Variants in COG4 observed in about 807,000 individuals in gnomAD.
The protein encoded by COG4 is conserved oligomeric Golgi complex subunit 4.
Under a neutral mutation model 95.1 loss-of-function variants are expected in COG4, and 65 were observed. That is an observed-to-expected ratio of 0.68 (90% CI 0.56 to 0.84). COG4 has a LOEUF of 0.84. Ranked by LOEUF, COG4 falls within the 40% of genes least tolerant of loss-of-function variation. COG4 has a pLI of 0.00. For synonymous variants in COG4, 421 were observed against 374.8 expected (o/e 1.12, Z -1.42); for missense variants, 1,045 against 989.1 (o/e 1.06, Z -0.76).
intron 1 of COG4, among the ~76,000 whole-genome samples, chr16:70,520,068 C>T (rs1567400100): frequency 6.6e-6 from 1 of 151,916 alleles, no homozygotes; most frequent in African/African-American, 2.4e-5. Flanking sequence ...TTGGGAGGCC[C>T]AGGTGGGTGG....
At chr16:70,481,954 G>A (rs998547186) in intron 16 of COG4, 89 bp from the exon 17 acceptor site, 22 of 1,377,830 alleles carry the variant, frequency 1.6e-5, no homozygotes, top group Non-Finnish European at 2.0e-5. Flanking sequence ...AGTAGCGTGA[G>A]GCCACGGGGG....
At chr16:70,518,331 C>T (rs1358949290) in intron 2 of COG4, among the ~76,000 whole-genome samples, 2 of 152,096 alleles carry the variant, frequency 1.3e-5, no homozygotes, top group Non-Finnish European at 2.9e-5. Context: ...TAACCAGTAC[C>T]ATGTGAGAGG....
intron 6 of COG4, 63 bp downstream of exon 6, chr16:70,509,853 A>C: frequency 8.2e-7 from 1 of 1,220,964 alleles, no homozygotes; most frequent in Non-Finnish European, 1.2e-6. Context: ...GGTGAGAAGA[A>C]AGGCTAGGAT....
chr16:70,521,611 T>A (rs769032753), intron 1 of COG4, among the ~76,000 whole-genome samples: 1 of 152,100 alleles, frequency 6.6e-6, no homozygotes, highest in Non-Finnish European at 1.5e-5. Flanking sequence ...CTTATATCAT[T>A]TTGTCTGTAA....
intron 13 of COG4, among the ~76,000 whole-genome samples, chr16:70,486,227 C>G (rs1292147366): frequency 1.3e-5 from 2 of 152,132 alleles, no homozygotes; most frequent in East Asian, 3.9e-4. Flanking sequence ...CACACTACAG[C>G]GTAGGTGTAG....
At chr16:70,502,542 A>C (rs1008579549) in intron 8 of COG4, among the ~76,000 whole-genome samples, 2 of 151,832 alleles carry the variant, frequency 1.3e-5, no homozygotes, top group Admixed American at 1.3e-4. Flanking sequence ...CGGAGGTTGC[A>C]GTGAGCTGAG....
chr16:70,480,972 C>T lies in COG4; in HGVS notation c.*38G>A. The T allele has an allele frequency of 6.2e-7, 1 of 1,609,890 alleles. No individual in the cohort carries two copies. Among genetic ancestry groups the T allele is most frequent in the Non-Finnish European group, 8.5e-7 (1 of 1,179,902 alleles). ...GGCTGGGGCCCCTTAGGGAACAGGC[C>T]TGCAAGTGTGATGAGCCAGGTGTGC... On this transcript the variant is annotated 3_prime_UTR_variant, in exon 19 of 19. Transcript: ENST00000323786.
chr16:70,484,273 T>C (rs901623349), intron 13 of COG4, among the ~76,000 whole-genome samples: 5 of 152,204 alleles, frequency 3.3e-5, no homozygotes, highest in African/African-American at 1.2e-4. Flanking sequence ...TGAGTGACCT[T>C]GGGCAAATGA....
chr16:70,489,526 AT>A (rs1334548942), intron 13 of COG4, among the ~76,000 whole-genome samples: 1 of 140,364 alleles, frequency 7.1e-6, no homozygotes, highest in African/African-American at 3.1e-5. Flanking sequence ...CTTGATCCTG[AT>A]TTAAAAAAAA....
intron 9 of COG4, 69 bp from the exon 10 acceptor site, chr16:70,498,124 T>A: frequency 1.1e-6 from 1 of 923,828 alleles, no homozygotes; most frequent in Non-Finnish European, 1.8e-6. Flanking sequence ...TTTTTTCATT[T>A]TTTCAGGTTC....
chr16:70,509,895 A>T, intron 6 of COG4, 21 bp downstream of exon 6: 1 of 1,583,918 alleles, frequency 6.3e-7, no homozygotes, highest in East Asian at 2.2e-5. Flanking sequence ...CAGTCTCTCT[A>T]GAGCGGAGAA....
At chr16:70,500,361 T>G (rs2049422356) in intron 9 of COG4, among the ~76,000 whole-genome samples, 1 of 140,636 alleles carries the variant, frequency 7.1e-6, no homozygotes, top group East Asian at 2.1e-4. Context: ...GTACATTATA[T>G]ACTCTTTTTT....
At chr16:70,522,602 A>G (rs2049972914) in intron 1 of COG4, among the ~76,000 whole-genome samples, 1 of 152,224 alleles carries the variant, frequency 6.6e-6, no homozygotes, top group Admixed American at 6.5e-5. Flanking sequence ...TTTGTGCTCA[A>G]CTTTGCTAGA....
intron 8 of COG4, among the ~76,000 whole-genome samples, chr16:70,506,609 A>AC (rs2049575825): frequency 1.6e-5 from 1 of 61,232 alleles, no homozygotes; most frequent in Non-Finnish European, 3.2e-5. Context: ...AAAAAAAAAA[A>AC]AAAAAAAACA....
At chr16:70,516,543 G>A (rs1364388180) in intron 3 of COG4, among the ~76,000 whole-genome samples, 10 of 152,024 alleles carry the variant, frequency 6.6e-5, no homozygotes, top group Admixed American at 2.0e-4. Context: ...TGATCTGTCC[G>A]CCTTGGCCTC....
chr16:70,503,595 C>CTTTTTTTTTTT (rs67706790), intron 8 of COG4, among the ~76,000 whole-genome samples: 12 of 125,702 alleles, frequency 9.5e-5, no homozygotes, highest in African/African-American at 5.5e-4. Context: ...CCTACTTACT[C>CTTTTTTTTTTT]TTTTTTTTTT....
intron 11 of COG4, among the ~76,000 whole-genome samples, chr16:70,496,746 G>A (rs769269846): frequency 6.6e-6 from 1 of 152,198 alleles, no homozygotes; most frequent in South Asian, 2.1e-4. Flanking sequence ...TAGGAGTTGA[G>A]AACAGGTTTT....
rs67706790 is a variant in COG4, at chr16:70,503,595, C to CT, written c.1062-2505dup. Among the ~76,000 whole-genome samples the CT allele has an allele frequency of 5.6e-4, 70 of 125,700 alleles. 1 individual carries two copies. The highest frequency in any genetic ancestry group is 1.3e-3 in the South Asian group (6 of 4,540). 82.5% of individuals were successfully genotyped at this position (125,700 alleles called of 152,430 possible). A position where few individuals can be genotyped will look rare whatever the true frequency, so the allele number is the denominator to read the frequency against. On this transcript the variant is annotated intron_variant, in intron 8 of 18. Transcript: ENST00000323786. ...CCTCACATCTTAACTCCTACTTACT[C>CT]TTTTTTTTTTTTTTTTTGAGACGGA...
At chr16:70,489,626 C>T (rs967756291) in intron 13 of COG4, among the ~76,000 whole-genome samples, 1 of 151,700 alleles carries the variant, frequency 6.6e-6, no homozygotes, top group East Asian at 1.9e-4. Flanking sequence ...ATCCTCCTGC[C>T]TTGGCCTCCC....
Sources: gnomAD v4.1 joint callset for allele counts (sites outside exome capture counted in the v4.1 genomes callset) on GRCh38, gnomAD v4.1.1 for gene constraint, MANE v1.5 for transcripts, NCBI Gene and HGNC (gene_info 2026-07-23, HGNC 2026-07-21) for gene names.